Variants in VEZT observed in about 807,000 individuals in gnomAD.
The protein encoded by VEZT is vezatin, adherens junctions transmembrane protein.
A neutral mutation model predicts 79.9 loss-of-function variants in VEZT; 39 were observed. That is an observed-to-expected ratio of 0.49 (90% CI 0.38 to 0.64). The LOEUF (loss-of-function observed/expected upper bound fraction) is 0.64. VEZT is among the 30% of genes least tolerant of loss of function. The pLI is 0.00. For missense variants in VEZT, 837 were observed against 893.1 expected (o/e 0.94, Z 0.80); for synonymous variants, 325 against 327.6 (o/e 0.99, Z 0.09).
intron 6 of VEZT, among the ~76,000 whole-genome samples, chr12:95,274,075 C>T (rs777038835): frequency 3.3e-5 from 5 of 152,112 alleles, no homozygotes; most frequent in South Asian, 2.1e-4. Context: ...TCCTGCAGTA[C>T]GCAGACTGAG....
chr12:95,242,313 T>A (rs1220823037), intron 1 of VEZT: 1 of 152,124 alleles, frequency 6.6e-6, no homozygotes, highest in Non-Finnish European at 1.5e-5. Flanking sequence ...CTGGGCAGCA[T>A]AGTGAGACCC....
intron 11 of VEZT, chr12:95,296,651 A>G (rs1009064341): frequency 6.5e-6 from 1 of 154,734 alleles, no homozygotes; most frequent in African/African-American, 2.4e-5. Flanking sequence ...TCACATTGAA[A>G]AAAATGGCCC....
At chr12:95,285,818 TTTA>T (rs1219121013) in intron 8 of VEZT, among the ~76,000 whole-genome samples, 4 of 152,100 alleles carry the variant, frequency 2.6e-5, no homozygotes, top group Non-Finnish European at 5.9e-5. Flanking sequence ...AAAGCTTGTA[TTTA>T]TTTATTCAAA....
At chr12:95,246,249 A>C (rs1477915916) in intron 1 of VEZT, among the ~76,000 whole-genome samples, 1 of 151,734 alleles carries the variant, frequency 6.6e-6, no homozygotes. Flanking sequence ...CAGTCTCCCG[A>C]GTAGCTGAGA....
chr12:95,287,789 G>T lies in VEZT; in HGVS notation c.1454G>T (p.Ser485Ile), dbSNP rs2071373096. ...TTGATTCAGCCCCACGTTCAAGCAA[G>T]CAACAATTGCTGGGAAGAGGCCATT... ...LKLIQPHVQASNNCWEEAISQ... is the reference protein window; with the variant it reads ...LKLIQPHVQAINNCWEEAISQ... Residue 485 changes from serine (S) to isoleucine (I), a missense_variant, in exon 9 of 12, where the codon AGC becomes ATC. By Grantham distance (142) the Ser-to-Ile change is moderately radical (BLOSUM62 -2). Coordinates refer to ENST00000436874, the MANE Select transcript of VEZT (RefSeq NM_017599.4). The T allele has an allele frequency of 6.8e-6, 11 of 1,608,478 alleles. No individual in the cohort carries two copies. Among genetic ancestry groups the T allele is most frequent in the Non-Finnish European group, 9.3e-6 (11 of 1,177,198 alleles).
chr12:95,257,108 A>G (rs766069999), intron 2 of VEZT, 42 bp from the exon 3 acceptor site: 1 of 1,487,040 alleles, frequency 6.7e-7, no homozygotes, highest in East Asian at 2.3e-5. Flanking sequence ...CTGTTTGGGT[A>G]TGCTTTTAAT....
intron 7 of VEZT, among the ~76,000 whole-genome samples, chr12:95,280,468 G>T (rs2068774994): frequency 1.8e-5 from 2 of 110,906 alleles, no homozygotes; most frequent in Non-Finnish European, 3.7e-5. Context: ...TTTCATATGT[G>T]TACACACACA....
chr12:95,239,230 AAAAC>A (rs1382190012), intron 1 of VEZT, among the ~76,000 whole-genome samples: 1 of 152,224 alleles, frequency 6.6e-6, no homozygotes, highest in Non-Finnish European at 1.5e-5. Flanking sequence ...AAAAAACAAA[AAAAC>A]AAACTGAGGT....
chr12:95,223,594 G>A (rs916906797), intron 1 of VEZT, among the ~76,000 whole-genome samples: 4 of 152,016 alleles, frequency 2.6e-5, no homozygotes, highest in African/African-American at 9.7e-5. Context: ...GGGATTACAG[G>A]CACCCATCAC....
At position 95,270,059 on chromosome 12, in the gene VEZT, C is replaced by A; in HGVS notation, c.719C>A (p.Ala240Asp). The A allele has an allele frequency of 6.2e-7, 1 of 1,610,792 alleles. No individual in the cohort carries two copies. Among genetic ancestry groups the A allele is most frequent in the Admixed American group, 1.7e-5 (1 of 59,592 alleles). The change falls in exon 6 of 12, where the codon GCT becomes GAT. Residue 240 changes from alanine (A) to aspartate (D), a missense_variant. By Grantham distance (126) the Ala-to-Asp change is moderately radical. Coordinates refer to ENST00000436874, the MANE Select transcript of VEZT (RefSeq NM_017599.4). ...VISRGFTLVS[A>D]ACPFNKAGQH... ...TCAAGTTTGCTTGACAGGGTCAGTGCTGCTTGCCCATTTAATAAAGCTGGA... is the reference window on the plus strand; with the variant it reads ...TCAAGTTTGCTTGACAGGGTCAGTGATGCTTGCCCATTTAATAAAGCTGGA...
intron 1 of VEZT, among the ~76,000 whole-genome samples, chr12:95,240,869 C>T (rs894177049): frequency 6.6e-6 from 1 of 152,082 alleles, no homozygotes; most frequent in Admixed American, 6.5e-5. Flanking sequence ...ATTCCTTATA[C>T]TCAAAAACAG....
intron 1 of VEZT, chr12:95,245,692 C>A: frequency 2.6e-6 from 1 of 386,216 alleles, no homozygotes; most frequent in South Asian, 2.0e-5. Context: ...ATAATAAAAG[C>A]ACTGTAGCCA....
chr12:95,222,345 A>AT (rs1373152504), intron 1 of VEZT, among the ~76,000 whole-genome samples: 1 of 151,788 alleles, frequency 6.6e-6, no homozygotes, highest in Non-Finnish European at 1.5e-5. Context: ...GAAGATCAAC[A>AT]TTTTTTTTTC....
Position 95,296,105 on chromosome 12 carries a change from G to T in VEZT, c.1678G>T (p.Asp560Tyr). ...IDIDSDFRKD[D>Y]FYYLSQEDKE... ...TATTGATAGTGATTTCAGAAAGGAT[G>T]ATTTTTATTACTTGTCTCAAGAAGA... is the stretch of plus-strand genomic sequence containing the variant. Residue 560 changes from aspartate to tyrosine, a missense_variant, in exon 11 of 12, where the codon GAT becomes TAT. By Grantham distance (160) the Asp-to-Tyr change is radical. Transcript: ENST00000436874. The T allele has an allele frequency of 1.3e-6, 2 of 1,560,432 alleles. No individual in the cohort carries two copies. Among genetic ancestry groups the T allele is most frequent in the South Asian group, 2.4e-5 (2 of 84,534 alleles).
chr12:95,253,364 A>G (rs1011043491), intron 2 of VEZT, among the ~76,000 whole-genome samples: 5 of 152,250 alleles, frequency 3.3e-5, no homozygotes, highest in Non-Finnish European at 7.3e-5. Context: ...GTAATAGTCT[A>G]GTAAACACTA....
chr12:95,297,626 A>G (rs1256228906), intron 11 of VEZT, among the ~76,000 whole-genome samples: 2 of 152,166 alleles, frequency 1.3e-5, no homozygotes, highest in East Asian at 3.8e-4. Context: ...TGCATTGATG[A>G]TGGCTCTCTA....
rs187895813 is a variant in VEZT, at chr12:95,228,424, T to C, written c.36+10538T>C. On this transcript the variant is annotated intron_variant, in intron 1 of 11. Transcript: ENST00000436874. ...AATATTGTTTTTGTCTGTGAACATA[T>C]ACATGGACAGTATTTGCTATTTTGA... 2.6e-4 allele frequency among the ~76,000 whole-genome samples: 40 copies of C among 152,282 alleles called. No individual in the cohort carries two copies. The East Asian group carries it at 5.0e-3, about 19-fold the overall frequency.
chr12:95,289,603 G>A (rs1043937303), intron 9 of VEZT, among the ~76,000 whole-genome samples: 1 of 151,970 alleles, frequency 6.6e-6, no homozygotes, highest in African/African-American at 2.4e-5. Flanking sequence ...CTGTATGTGT[G>A]GCTTTTGCTT....
intron 1 of VEZT, among the ~76,000 whole-genome samples, chr12:95,239,452 G>A (rs2060598744): frequency 6.6e-6 from 1 of 152,182 alleles, no homozygotes; most frequent in Admixed American, 6.5e-5. Flanking sequence ...AATGCTGTTA[G>A]CACTCAGTCA....
Sources: gnomAD v4.1 joint callset for allele counts (sites outside exome capture counted in the v4.1 genomes callset) on GRCh38, gnomAD v4.1.1 for gene constraint, MANE v1.5 for transcripts, NCBI Gene and HGNC (gene_info 2026-07-23, HGNC 2026-07-21) for gene names.